Variants in STRBP observed in about 807,000 individuals in gnomAD.
The protein encoded by STRBP is spermatid perinuclear RNA binding protein.
STRBP carries 13 observed loss-of-function variants against 80.1 expected under a neutral mutation model. That is an observed-to-expected ratio of 0.16 (90% confidence interval 0.11 to 0.26). The LOEUF (loss-of-function observed/expected upper bound fraction) is 0.26. Among genes scored for constraint, STRBP ranks in the 10% least tolerant of loss-of-function variants. The pLI, the probability that STRBP is intolerant of heterozygous loss-of-function variation, is 1.00. For synonymous variants in STRBP, 284 were observed against 291.2 expected (o/e 0.98, Z 0.25); for missense variants, 485 against 815.2 (o/e 0.59, Z 4.93).
chr9:123,182,746 C>T (rs145274856), intron 3 of STRBP, among the ~76,000 whole-genome samples: 391 of 152,212 alleles, frequency 2.6e-3, no homozygotes, highest in African/African-American at 8.3e-3. Context: ...CGGTGCCTCA[C>T]GCCTATAATC....
downstream of STRBP, chr9:123,121,514 C>T (rs1489859060): frequency 6.6e-6 from 1 of 151,880 alleles, no homozygotes; most frequent in African/African-American, 2.4e-5. Flanking sequence ...TCTGCAGACT[C>T]GATATTCACC....
chr9:123,206,597 T>A (rs574163878), intron 2 of STRBP, among the ~76,000 whole-genome samples: 1 of 152,196 alleles, frequency 6.6e-6, no homozygotes, highest in Admixed American at 6.5e-5. Flanking sequence ...TACTTGTTTA[T>A]GTCTGAACAT....
At chr9:123,192,281 A>G (rs1054108194) in intron 2 of STRBP, among the ~76,000 whole-genome samples, 1 of 152,220 alleles carries the variant, frequency 6.6e-6, no homozygotes, top group Non-Finnish European at 1.5e-5. Context: ...TGAAGCCACA[A>G]AATGGCCAAG....
intron 2 of STRBP, among the ~76,000 whole-genome samples, chr9:123,236,066 A>C (rs544505256): frequency 1.3e-4 from 20 of 152,340 alleles, no homozygotes; most frequent in African/African-American, 4.8e-4. Context: ...CTTTGAATAC[A>C]AAAATACTCA....
At chr9:123,159,341 C>T in intron 8 of STRBP, 134 bp from the exon 9 acceptor site, 1 of 540,564 alleles carries the variant, frequency 1.8e-6, no homozygotes, top group Non-Finnish European at 3.2e-6. Context: ...ACCCACTTAA[C>T]ATTTTCCCCA....
intron 18 of STRBP, 95 bp from the exon 19 acceptor site, chr9:123,125,768 C>T: frequency 1.0e-6 from 1 of 969,428 alleles, no homozygotes; most frequent in South Asian, 1.7e-5. Context: ...TTATCATTAA[C>T]CTTTTCCAGA....
intron 3 of STRBP, chr9:123,111,280 G>T: frequency 4.8e-6 from 1 of 208,394 alleles, no homozygotes. Context: ...AGGGTGGAGA[G>T]CACGAGATAC....
At chr9:123,252,504 G>A (rs2040938514) in intron 1 of STRBP, among the ~76,000 whole-genome samples, 1 of 152,180 alleles carries the variant, frequency 6.6e-6, no homozygotes, top group Non-Finnish European at 1.5e-5. Context: ...GGTCAAAACA[G>A]AAAAGCAATG....
At chr9:123,205,968 C>T (rs545540229) in intron 2 of STRBP, among the ~76,000 whole-genome samples, 6 of 152,214 alleles carry the variant, frequency 3.9e-5, no homozygotes, top group African/African-American at 9.6e-5. Flanking sequence ...TTGGAGATAA[C>T]GGACAAAAGA....
At chr9:123,175,689 G>A (rs1218716183) in intron 4 of STRBP, among the ~76,000 whole-genome samples, 1 of 152,030 alleles carries the variant, frequency 6.6e-6, no homozygotes, top group East Asian at 1.9e-4. Flanking sequence ...ATATTGTAAT[G>A]GTTTATAAAT....
At chr9:123,164,166 C>T (rs1237522523) in intron 6 of STRBP, among the ~76,000 whole-genome samples, 1 of 152,194 alleles carries the variant, frequency 6.6e-6, no homozygotes, top group Non-Finnish European at 1.5e-5. Context: ...ATGCCTTGGC[C>T]TCCCGAACAG....
chr9:123,198,994 G>A (rs2039210940), intron 2 of STRBP, among the ~76,000 whole-genome samples: 1 of 152,166 alleles, frequency 6.6e-6, no homozygotes, highest in Admixed American at 6.5e-5. Context: ...CGCCAGGCTG[G>A]AGTGCAGTGG....
intron 3 of STRBP, chr9:123,180,934 C>T (rs771999130): frequency 8.1e-6 from 8 of 984,940 alleles, no homozygotes; most frequent in Middle Eastern, 5.2e-4. Flanking sequence ...AAAACATTCT[C>T]AATTTTTTAT....
At chr9:123,258,827 TAAG>T (rs2041096507) in intron 1 of STRBP, among the ~76,000 whole-genome samples, 1 of 144,994 alleles carries the variant, frequency 6.9e-6, no homozygotes, top group South Asian at 2.2e-4. Context: ...AAAGAATCCG[TAAG>T]AAGACCATTG....
rs144366941 is a variant in STRBP, at chr9:123,236,464, A to C, written c.-165+366T>G. 8.1e-3 allele frequency among the ~76,000 whole-genome samples: 1,239 copies of C among 152,280 alleles called. 15 individuals are homozygous for C. Among genetic ancestry groups the C allele is most frequent in the African/African-American group, 0.029 (1,187 of 41,546 alleles). ...AAACATGGCGTCATTTGTGAACATC[A>C]TGATGACAGTGAGGCAATACAAGTT... On this transcript the variant is annotated intron_variant, in intron 2 of 18. Transcript: ENST00000348403.
chr9:123,258,430 T>C (rs1339545724), intron 1 of STRBP, among the ~76,000 whole-genome samples: 1 of 152,098 alleles, frequency 6.6e-6, no homozygotes. Flanking sequence ...GCCAAGCAAA[T>C]GTCTGAAAAA....
rs370385750 is a variant in STRBP at position 123,154,458 on chromosome 9, G to C, written c.1045+3554C>G. Among the ~76,000 whole-genome samples, 60 of 152,272 alleles carry C rather than the reference G, an allele frequency of 3.9e-4. 1 individual carries two copies. The South Asian group carries it at 0.012, about 29-fold the overall frequency. ...AATGATTTTCAGAAAGTCAGAAATG[G>C]TATTTCTTGGTACAGGAAGGTAATG... On this transcript the variant is annotated intron_variant, in intron 11 of 18. Coordinates refer to ENST00000348403, the MANE Select transcript of STRBP (RefSeq NM_018387.5).
intron 17 of STRBP, among the ~76,000 whole-genome samples, chr9:123,130,109 G>C (rs2036072180): frequency 6.6e-6 from 1 of 152,148 alleles, no homozygotes; most frequent in African/African-American, 2.4e-5. Context: ...CAGGACACTG[G>C]AGTCCTGATT....
chr9:123,217,404 C>T (rs148168049), intron 2 of STRBP, among the ~76,000 whole-genome samples: 2 of 152,212 alleles, frequency 1.3e-5, no homozygotes, highest in East Asian at 1.9e-4. Flanking sequence ...TTATAAGAAA[C>T]ACAAAGAATG....
Sources: allele counts gnomAD v4.1 joint callset (sites outside exome capture counted in the v4.1 genomes callset), GRCh38; gene constraint gnomAD v4.1.1; transcripts MANE v1.5; gene names NCBI Gene and HGNC (gene_info 2026-07-23, HGNC 2026-07-21).